Variants in ACYP2 observed in about 807,000 individuals in gnomAD.
The protein encoded by ACYP2 is acylphosphatase 2.
A neutral mutation model predicts 11.2 loss-of-function variants in ACYP2; 12 were observed. That is an observed-to-expected ratio of 1.08 (90% CI 0.69 to 1.74). The LOEUF is 1.74. Among genes scored for constraint, ACYP2 ranks in the 40% most tolerant of loss-of-function variants. The pLI, the probability that ACYP2 is intolerant of heterozygous loss-of-function variation, is 0.00. For missense variants in ACYP2, 134 were observed against 101.9 expected (o/e 1.31, Z -1.35); for synonymous variants, 43 against 32.2 (o/e 1.33, Z -1.13).
At position 54,115,612 on chromosome 2, in the gene ACYP2, C is replaced by A. The variant is rs746362137; in HGVS notation, c.278-19841C>A. On this transcript the variant is annotated intron_variant, in intron 4 of 6. Coordinates refer to ENST00000607452, the MANE Select transcript of ACYP2 (RefSeq NM_001320586.2). ...ACAGGCGCGGGGTGCGCCAAGCAGTCCCATGTGTCCCCTCCCTCTCGCAGC... is the reference window on the plus strand; with the variant it reads ...ACAGGCGCGGGGTGCGCCAAGCAGTACCATGTGTCCCCTCCCTCTCGCAGC... 1.9e-6 allele frequency: 3 copies of A among 1,558,150 alleles called. No homozygotes were observed. The South Asian group carries it at 3.5e-5, about 18-fold the overall frequency.
intron 6 of ACYP2, among the ~76,000 whole-genome samples, chr2:54,216,897 A>G (rs1685581395): frequency 6.6e-6 from 1 of 152,212 alleles, no homozygotes; most frequent in Non-Finnish European, 1.5e-5. Context: ...TTATTTTACA[A>G]TATCTTATTC....
At chr2:54,256,422 G>A (rs904025424) in intron 6 of ACYP2, 11 of 466,148 alleles carry the variant, frequency 2.4e-5, no homozygotes, top group Admixed American at 3.9e-5. Context: ...AAAGTCTAAT[G>A]AGCTGAGAAC....
At chr2:53,980,228 C>T (rs1437676156) in intron 2 of ACYP2, among the ~76,000 whole-genome samples, 1 of 151,976 alleles carries the variant, frequency 6.6e-6, no homozygotes, top group Non-Finnish European at 1.5e-5. Flanking sequence ...TGGAATGTGC[C>T]TGTAGTCCCA....
At chr2:54,092,765 G>A (rs1678303022) in intron 4 of ACYP2, among the ~76,000 whole-genome samples, 1 of 152,192 alleles carries the variant, frequency 6.6e-6, no homozygotes, top group East Asian at 1.9e-4. Context: ...GGGTTCCAGT[G>A]ACATAGAGGG....
At chr2:54,075,843 A>G (rs1434792674) in intron 4 of ACYP2, among the ~76,000 whole-genome samples, 1 of 152,138 alleles carries the variant, frequency 6.6e-6, no homozygotes, top group Non-Finnish European at 1.5e-5. Context: ...ATAAAATGAT[A>G]TAATATTTAC....
At chr2:54,103,173 A>G (rs1255196597) in intron 4 of ACYP2, among the ~76,000 whole-genome samples, 1 of 152,272 alleles carries the variant, frequency 6.6e-6, no homozygotes, top group Non-Finnish European at 1.5e-5. Flanking sequence ...TACAAGTATC[A>G]TCAGCTCTCC....
At chr2:54,100,090 C>T (rs1558528395) in intron 4 of ACYP2, among the ~76,000 whole-genome samples, 1 of 152,144 alleles carries the variant, frequency 6.6e-6, no homozygotes, top group African/African-American at 2.4e-5. Context: ...ATCACATACT[C>T]TTTTCTGTAA....
chr2:54,133,649 C>T (rs1320748615), intron 4 of ACYP2, among the ~76,000 whole-genome samples: 1 of 152,168 alleles, frequency 6.6e-6, no homozygotes, highest in Non-Finnish European at 1.5e-5. Context: ...TCTAATTCAT[C>T]CTTTTGGATC....
Position 53,999,360 on chromosome 2 carries a change from C to T in ACYP2, c.62+25550C>T, listed in dbSNP as rs1392113722. On this transcript the variant is annotated intron_variant, in intron 2 of 6. Coordinates refer to ENST00000607452, the MANE Select transcript of ACYP2 (RefSeq NM_001320586.2). Reference sequence around the variant, plus strand: ...GAGCTAAATAAAACAAAGCCAAAAGCCAAGTTACCAAAACATGCCCAGGAA... The same window carrying T: ...GAGCTAAATAAAACAAAGCCAAAAGTCAAGTTACCAAAACATGCCCAGGAA... 2.0e-5 allele frequency among the ~76,000 whole-genome samples: 3 copies of T among 152,086 alleles called. No homozygotes were observed. In the South Asian group the frequency reaches 6.2e-4, roughly 32 times the overall value.
At chr2:53,995,384 C>T (rs1672521620) in intron 2 of ACYP2, among the ~76,000 whole-genome samples, 2 of 152,066 alleles carry the variant, frequency 1.3e-5, no homozygotes, top group Non-Finnish European at 2.9e-5. Flanking sequence ...TAAATCATCA[C>T]ATTTCTTCAT....
At chr2:54,121,674 A>G (rs1442643997) in intron 4 of ACYP2, among the ~76,000 whole-genome samples, 1 of 152,216 alleles carries the variant, frequency 6.6e-6, no homozygotes, top group Non-Finnish European at 1.5e-5. Context: ...AGAAACATAA[A>G]TATGGTTAAC....
Position 54,165,476 on chromosome 2 carries a change from C to G in ACYP2, c.404+26728C>G, listed in dbSNP as rs185670790. Among the ~76,000 whole-genome samples, 154 of 151,744 alleles carry G rather than the reference C, an allele frequency of 1.0e-3. 1 individual carries two copies. Among genetic ancestry groups the G allele is most frequent in the Non-Finnish European group, 1.9e-3 (132 of 67,946 alleles). On this transcript the variant is annotated intron_variant, in intron 6 of 6. Transcript: ENST00000607452. Reference sequence around the variant, plus strand: ...TCTGTCTGTCTGTCTCTCTCTTTCTCTGTGTGTGTGTCTGTCTCTCTCTGT... The same window carrying G: ...TCTGTCTGTCTGTCTCTCTCTTTCTGTGTGTGTGTGTCTGTCTCTCTCTGT...
intron 2 of ACYP2, among the ~76,000 whole-genome samples, chr2:54,042,932 A>G (rs765379186): frequency 4.6e-5 from 7 of 152,168 alleles, no homozygotes; most frequent in Non-Finnish European, 8.8e-5. Flanking sequence ...CCTCCCTATA[A>G]TTTAAATATA....
intron 2 of ACYP2, among the ~76,000 whole-genome samples, chr2:53,986,580 T>C: frequency 6.7e-6 from 1 of 148,538 alleles, no homozygotes; most frequent in Non-Finnish European, 1.5e-5. Flanking sequence ...CAAGTGATCC[T>C]CGGCCTCCCA....
At chr2:54,024,557 C>A (rs114306285) in intron 2 of ACYP2, among the ~76,000 whole-genome samples, 3,094 of 152,238 alleles carry the variant, frequency 0.02, 102 homozygotes, top group African/African-American at 0.071. Context: ...GATTAAAACC[C>A]TTACAAAATT....
chr2:53,976,044 C>A (rs1171605199), intron 2 of ACYP2, among the ~76,000 whole-genome samples: 1 of 152,096 alleles, frequency 6.6e-6, no homozygotes, highest in African/African-American at 2.4e-5. Context: ...ATATTTATGT[C>A]TTTGATGTGC....
intron 2 of ACYP2, among the ~76,000 whole-genome samples, chr2:53,993,136 G>A (rs1672387956): frequency 6.6e-6 from 1 of 152,178 alleles, no homozygotes. Context: ...AACCCAGGAG[G>A]CAGAGGTTGC....
chr2:54,164,853 C>T (rs1682881910), intron 6 of ACYP2, among the ~76,000 whole-genome samples: 1 of 152,200 alleles, frequency 6.6e-6, no homozygotes, highest in African/African-American at 2.4e-5. Context: ...AATGCTCTCC[C>T]TCCTCTTGCC....
chr2:53,976,231 T>C (rs1671541227), intron 2 of ACYP2, among the ~76,000 whole-genome samples: 1 of 152,152 alleles, frequency 6.6e-6, no homozygotes, highest in Non-Finnish European at 1.5e-5. Flanking sequence ...TCTTTTTTAG[T>C]CAGGGTTTCA....
Sources: gnomAD v4.1 joint callset for allele counts (sites outside exome capture counted in the v4.1 genomes callset) on GRCh38, gnomAD v4.1.1 for gene constraint, MANE v1.5 for transcripts, NCBI Gene and HGNC (gene_info 2026-07-23, HGNC 2026-07-21) for gene names.